The following MAN2B1 variants were observed in gnomAD, a reference collection of about 807,000 sequenced individuals.
MAN2B1 encodes the protein mannosidase alpha class 2B member 1.
In MAN2B1, 99 loss-of-function variants were observed where a neutral mutation model predicts 127.5. The observed-to-expected ratio is 0.78, with a 90% confidence interval of 0.66 to 0.92. The LOEUF (loss-of-function observed/expected upper bound fraction) is 0.92, where lower values mean the gene tolerates loss of function less well. MAN2B1 is among the 40% of genes least tolerant of loss of function. MAN2B1 has a pLI of 0.00. For missense variants in MAN2B1, 1,304 were observed against 1,384.8 expected, an observed-to-expected ratio of 0.94 and a Z score of 0.93; for synonymous variants, 573 against 568.8, an observed-to-expected ratio of 1.01 and a Z score of -0.11.
At chr19:12,661,754 G>A (rs1475282153) in intron 6 of MAN2B1, among the ~76,000 whole-genome samples, 1 of 151,762 alleles carries the variant, frequency 6.6e-6, no homozygotes, top group East Asian at 1.9e-4. Flanking sequence ...TCAGGAGACT[G>A]AGGCAGGAGG....
In MAN2B1 at chr19:12,661,158, C is replaced by A. The variant is rs58300002; in HGVS notation, c.1026+102G>T. 2,322 of 824,438 alleles carry A rather than the reference C, an allele frequency of 2.8e-3. 35 individuals are homozygous for A. In the African/African-American group the frequency reaches 0.036, roughly 13 times the overall value. The allele number at this position is 824,438 out of a possible 1,614,324, so 51.1% of individuals were successfully genotyped here. On this transcript the variant is annotated intron_variant, in intron 7 of 23. Transcript: ENST00000456935. ...TTGTTATAGAATGACCACAATAGAA[C>A]AATAGAAAACAAAGACAGCACTGAG...
In MAN2B1 at chr19:12,647,068, G is replaced by C. The variant is rs563034883; in HGVS notation, c.2923+165C>G. On this transcript the variant is annotated intron_variant, in intron 23 of 23. Transcript: ENST00000456935. The surrounding 1 kb of genome is among the most constrained non-coding windows in gnomAD (Gnocchi z 4.9). ...CCTCAAGACCCATTCCTGGTTTGCCGCACCCATTTCAGATCCTTTAAGCCC... is the reference window on the plus strand; with the variant it reads ...CCTCAAGACCCATTCCTGGTTTGCCCCACCCATTTCAGATCCTTTAAGCCC... The C allele has an allele frequency of 2.4e-5, 16 of 665,516 alleles. No individual in the cohort carries two copies. Among genetic ancestry groups the C allele is most frequent in the Non-Finnish European group, 4.2e-5 (16 of 378,890 alleles). 41.2% of individuals were successfully genotyped at this position (665,516 alleles called of 1,614,324 possible). A position where few individuals can be genotyped will look rare whatever the true frequency, so the allele number is the denominator to read the frequency against.
rs917258626 is a variant in MAN2B1 at position 12,658,064 on chromosome 19, G to C, written c.1308C>G (p.Leu436=). Residue 436 remains leucine, a splice_region_variant and synonymous_variant, in exon 10 of 24, where the codon CTC becomes CTG. Coordinates refer to ENST00000456935, the MANE Select transcript of MAN2B1 (RefSeq NM_000528.4). ...GPYGSGDSAP[L]NEAMAVLQHH... ...TCCCCTCTTGGGCCCGACACTTACT[G>C]AGGGGTGCACTGTCTCCGGAGCCAT... 1.2e-6 allele frequency: 2 copies of C among 1,612,906 alleles called. No individual in the cohort carries two copies. Among genetic ancestry groups the C allele is most frequent in the African/African-American group, 2.7e-5 (2 of 74,816 alleles).
At chr19:12,659,414 G>T (rs78926019) in intron 7 of MAN2B1, among the ~76,000 whole-genome samples, 1 of 149,774 alleles carries the variant, frequency 6.7e-6, no homozygotes, top group Admixed American at 6.8e-5. Flanking sequence ...CGATTCTCCT[G>T]CCTCAGCCTG....
intron 1 of MAN2B1, among the ~76,000 whole-genome samples, chr19:12,666,011 C>T (rs1030230388): frequency 1.3e-5 from 2 of 152,140 alleles, no homozygotes; most frequent in Non-Finnish European, 2.9e-5. Flanking sequence ...CACAGGGCAG[C>T]TCTCATTCAC....
intron 13 of MAN2B1, 75 bp from the exon 14 acceptor site, chr19:12,655,954 A>C: frequency 8.2e-7 from 1 of 1,217,944 alleles, no homozygotes; most frequent in Non-Finnish European, 1.2e-6. Flanking sequence ...CAAAAAACTC[A>C]AGGAAGGAAA....
chr19:12,664,124 G>A (rs1026295755), intron 4 of MAN2B1, among the ~76,000 whole-genome samples: 18 of 152,306 alleles, frequency 1.2e-4, no homozygotes, highest in Admixed American at 2.0e-4. Flanking sequence ...TACTAGGGGG[G>A]CTGAGACAGG....
Position 12,652,256 on chromosome 19 carries a change from A to G in MAN2B1, c.1943T>C (p.Ile648Thr), listed in dbSNP as rs769271313. 2.5e-6 allele frequency: 4 copies of G among 1,614,014 alleles called. No individual in the cohort carries two copies. Among genetic ancestry groups the G allele is most frequent in the Middle Eastern group, 1.6e-4 (1 of 6,062 alleles). The change falls in exon 16 of 24, where the codon ATA becomes ACA. Residue 648 changes from isoleucine (I) to threonine (T), a missense_variant. Coordinates refer to ENST00000456935, the MANE Select transcript of MAN2B1 (RefSeq NM_000528.4). ...GGCCTGGTCACTTTCGTTGTCACCTATACTGGCGTTGTACCTGGAGTTGGG... is the reference window on the plus strand; with the variant it reads ...GGCCTGGTCACTTTCGTTGTCACCTGTACTGGCGTTGTACCTGGAGTTGGG... ...RQTFFWYNAS[I>T]GDNESDQASG...
At position 12,646,692 on chromosome 19, in the gene MAN2B1, G is replaced by C. The variant is rs2145217649; in HGVS notation, c.2964C>G (p.Ala988=). Residue 988 remains alanine (A), a synonymous_variant, in exon 24 of 24, where the codon GCC becomes GCG. Coordinates refer to ENST00000456935, the MANE Select transcript of MAN2B1 (RefSeq NM_000528.4). ...TTTCCATGGGTTCCAGCGTGATGTT[G>C]GCCGGGTCCAGCTGGTACGGAGTTT... ...PHQTPYQLDP[A]NITLEPMEIR... 6.2e-7 allele frequency: 1 copy of C among 1,614,070 alleles called. No individual in the cohort carries two copies. Among genetic ancestry groups the C allele is most frequent in the Non-Finnish European group, 8.5e-7 (1 of 1,179,988 alleles).
rs367980012 is a variant in MAN2B1 at position 12,655,805 on chromosome 19, C to G, written c.1719G>C (p.Leu573=). 1.2e-6 allele frequency: 2 copies of G among 1,613,186 alleles called. No homozygotes were observed. The highest frequency in any genetic ancestry group is 8.5e-7 in the Non-Finnish European group (1 of 1,179,392). ...GGGCTACTGAATAGGTGCTGAAGCC[C>G]AGGGCGGGCAGTGAGGCTGAGAACA... ...ELLFSASLPA[L]GFSTYSVAQV... Residue 573 remains leucine (L), a synonymous_variant, in exon 14 of 24, where the codon CTG becomes CTC. Transcript: ENST00000456935.
At position 12,649,893 on chromosome 19, in the gene MAN2B1, T is replaced by G; in HGVS notation, c.2267+20A>C. The G allele has an allele frequency of 3.9e-5, 53 of 1,367,092 alleles. No individual in the cohort carries two copies. The highest frequency in any genetic ancestry group is 2.3e-4 in the Middle Eastern group (1 of 4,306). The allele number at this position is 1,367,092 out of a possible 1,614,324, so 84.7% of individuals were successfully genotyped here. On this transcript the variant is annotated intron_variant, in intron 18 of 23. Coordinates refer to ENST00000456935, the MANE Select transcript of MAN2B1 (RefSeq NM_000528.4). ...AACACACCACAGACCACCCCCTCAG[T>G]GCTCTCAGTCACCCCCCACCTCCTC...
chr19:12,658,528 G>A lies in MAN2B1; in HGVS notation c.1027-18C>T, dbSNP rs751227346. ...TTTGCCTGCTGCTGGGGGAGGCGAC[G>A]GAGTGAGCCCTCGGGAGTCCGCACC... On this transcript the variant is annotated intron_variant, in intron 7 of 23. Transcript: ENST00000456935. 16 of 1,612,754 alleles carry A rather than the reference G, an allele frequency of 9.9e-6. No homozygotes were observed. The South Asian group carries it at 1.6e-4, about 17-fold the overall frequency.
intron 8 of MAN2B1, 21 bp from the exon 9 acceptor site, chr19:12,658,365 AG>A: frequency 6.2e-7 from 1 of 1,614,228 alleles, no homozygotes; most frequent in Non-Finnish European, 8.5e-7. Context: ...AGGGGCATTG[AG>A]GGCAGGGTCA....
rs2023692371 is a variant in MAN2B1 at position 12,646,581 on chromosome 19, A to G, written c.*39T>C. On this transcript the variant is annotated 3_prime_UTR_variant, in exon 24 of 24. Transcript: ENST00000456935. ...GAGTCAGAGTCTGGTCTGCCCCCGGAGCAGGAGGCTTGGGCTTGGAGGGCC... is the reference window on the plus strand; with the variant it reads ...GAGTCAGAGTCTGGTCTGCCCCCGGGGCAGGAGGCTTGGGCTTGGAGGGCC... The G allele has an allele frequency of 6.8e-7, 1 of 1,468,888 alleles. No individual in the cohort carries two copies. 91.0% of individuals were successfully genotyped at this position (1,468,888 alleles called of 1,614,324 possible). A position where few individuals can be genotyped will look rare whatever the true frequency, so the allele number is the denominator to read the frequency against.
chr19:12,648,843 A>C (rs754299023), intron 20 of MAN2B1, among the ~76,000 whole-genome samples: 1 of 152,042 alleles, frequency 6.6e-6, no homozygotes, highest in Non-Finnish European at 1.5e-5. Context: ...AAAAATACCA[A>C]AATTAGCCGG....
chr19:12,653,182 G>T (rs1343762419), intron 14 of MAN2B1, among the ~76,000 whole-genome samples: 2 of 136,372 alleles, frequency 1.5e-5, no homozygotes, highest in East Asian at 4.3e-4. Flanking sequence ...TCGCTCTATC[G>T]CCCAGGCTGG....
In MAN2B1 at chr19:12,647,618, G is replaced by T; in HGVS notation, c.2665-20C>A. Reference sequence around the variant, plus strand: ...TGAGAACTGCGGGAGAGAGGGCGGGGCTGAGTTGGAGAGGGGCGGGGCCTG... The same window carrying T: ...TGAGAACTGCGGGAGAGAGGGCGGGTCTGAGTTGGAGAGGGGCGGGGCCTG... On this transcript the variant is annotated intron_variant, in intron 21 of 23. Coordinates refer to ENST00000456935, the MANE Select transcript of MAN2B1 (RefSeq NM_000528.4). This position sits in a 1 kb window ranked among gnomAD's most constrained non-coding sequence, Gnocchi z 4.9. 1 of 1,606,060 alleles carries T rather than the reference G, an allele frequency of 6.2e-7. No homozygotes were observed. Among genetic ancestry groups the T allele is most frequent in the Non-Finnish European group, 8.5e-7 (1 of 1,175,596 alleles).
At chr19:12,651,896 T>C (rs2023846708) in intron 16 of MAN2B1, among the ~76,000 whole-genome samples, 2 of 152,180 alleles carry the variant, frequency 1.3e-5, no homozygotes. Context: ...CAAAACTAAG[T>C]ATGTAAACGT....
chr19:12,663,163 G>A (rs758857242), intron 6 of MAN2B1, among the ~76,000 whole-genome samples, 154 bp downstream of exon 6: 48 of 152,042 alleles, frequency 3.2e-4, no homozygotes, highest in South Asian at 1.2e-3. Context: ...GCAGTGAGCC[G>A]AGATCGCACC....
Sources: gnomAD v4.1 joint callset for allele counts (sites outside exome capture counted in the v4.1 genomes callset) on GRCh38, gnomAD v4.1.1 for gene constraint, Gnocchi (gnomAD v3.1) non-coding constraint, MANE v1.5 for transcripts, NCBI Gene and HGNC (gene_info 2026-07-23, HGNC 2026-07-21) for gene names.